Variants in CASK observed in about 807,000 individuals in gnomAD.
CASK encodes calcium/calmodulin dependent serine protein kinase.
A neutral mutation model predicts 82.9 loss-of-function variants in CASK; 4 were observed. The ratio of observed to expected loss-of-function variants is 0.05; its 90% CI spans 0.02 to 0.11. The LOEUF (loss-of-function observed/expected upper bound fraction) is 0.11, where lower values mean the gene tolerates loss of function less well. CASK is among the 10% of genes least tolerant of loss of function. CASK has a pLI of 1.00. For synonymous variants in CASK, 259 were observed against 253.5 expected (o/e 1.02, Z -0.20); for missense variants, 358 against 720.9 (o/e 0.50, Z 5.76).
intron 4 of CASK, among the ~76,000 whole-genome samples, chrX:41,744,301 A>C (rs1237828282): frequency 2.7e-5 from 3 of 110,149 alleles, no homozygotes; most frequent in Non-Finnish European, 5.7e-5. Context: ...TGTATAAGCA[A>C]GTGGCCCAGC....
At chrX:41,554,059 C>T in intron 20 of CASK, 144 bp from the exon 21 acceptor site, 1 of 499,248 alleles carries the variant, frequency 2.0e-6, no homozygotes. Flanking sequence ...AAATACGACA[C>T]AAAAAACTTC....
chrX:41,900,919 T>C (rs2072367829), intron 1 of CASK, among the ~76,000 whole-genome samples: 1 of 108,956 alleles, frequency 9.2e-6, no homozygotes, highest in Non-Finnish European at 1.9e-5. Flanking sequence ...CTAATTTTTG[T>C]ATTTTTAGTA....
chrX:41,843,296 G>T (rs1318633627), intron 2 of CASK, among the ~76,000 whole-genome samples: 2 of 111,536 alleles, frequency 1.8e-5, no homozygotes, highest in Non-Finnish European at 3.8e-5. Context: ...TTAGACTTTG[G>T]TTTTTCCTAG....
chrX:41,652,751 A>G (rs757951626), intron 8 of CASK, among the ~76,000 whole-genome samples: 8 of 112,074 alleles, frequency 7.1e-5, no homozygotes, highest in African/African-American at 2.3e-4. Context: ...AGGGCATGGA[A>G]GCTTCCCACT....
intron 12 of CASK, among the ~76,000 whole-genome samples, chrX:41,608,229 A>C (rs985287828): frequency 3.6e-5 from 4 of 112,568 alleles, no homozygotes; most frequent in Non-Finnish European, 7.5e-5. Context: ...CTGATAAAGA[A>C]AGTTAAAAAG....
chrX:41,798,772 G>A (rs886140361), intron 2 of CASK, among the ~76,000 whole-genome samples: 12 of 112,101 alleles, frequency 1.1e-4, no homozygotes, highest in African/African-American at 3.9e-4. Context: ...GAGGCAGAGG[G>A]TGCAGTGAGC....
intron 26 of CASK, among the ~76,000 whole-genome samples, chrX:41,522,539 C>G (rs1285912916): frequency 8.9e-6 from 1 of 111,845 alleles, no homozygotes; most frequent in Non-Finnish European, 1.9e-5. Flanking sequence ...GCCATTTTAG[C>G]AAATGTGCAT....
At chrX:41,548,640 G>T (rs5918198) in intron 21 of CASK, among the ~76,000 whole-genome samples, 1 of 110,867 alleles carries the variant, frequency 9.0e-6, no homozygotes, top group Non-Finnish European at 1.9e-5. Context: ...GCTGATAAAG[G>T]CTTGCTTTGG....
At chrX:41,559,595 T>C (rs1470330717) in intron 18 of CASK, 184 bp downstream of exon 18, 1 of 485,095 alleles carries the variant, frequency 2.1e-6, no homozygotes, top group Non-Finnish European at 3.7e-6. Flanking sequence ...GAGATCCACA[T>C]GGAAGCAGGG....
intron 14 of CASK, among the ~76,000 whole-genome samples, chrX:41,582,285 T>C (rs941754759): frequency 3.6e-5 from 4 of 112,154 alleles, no homozygotes; most frequent in Non-Finnish European, 5.6e-5. Context: ...GCAGACTCCT[T>C]ACAATGGCCT....
chrX:41,654,563 C>T (rs1183471130), intron 8 of CASK, among the ~76,000 whole-genome samples: 1 of 111,081 alleles, frequency 9.0e-6, no homozygotes, highest in Admixed American at 9.6e-5. Context: ...ATCGCAGCTA[C>T]TCGGGAAGCT....
At chrX:41,595,383 C>T (rs2065805776) in intron 12 of CASK, among the ~76,000 whole-genome samples, 2 of 110,759 alleles carry the variant, frequency 1.8e-5, no homozygotes, top group African/African-American at 6.6e-5. Flanking sequence ...GTAGGAAGAT[C>T]ACTTAAGCCC....
chrX:41,542,872 G>T, intron 21 of CASK, 66 bp from the exon 22 acceptor site: 1 of 679,043 alleles, frequency 1.5e-6, no homozygotes, highest in Non-Finnish European at 2.3e-6. Flanking sequence ...AAATAGAAGA[G>T]TCATCCATTT....
chrX:41,534,430 C>CAT (rs1189610839), intron 24 of CASK, among the ~76,000 whole-genome samples: 1 of 107,063 alleles, frequency 9.3e-6, no homozygotes, highest in Non-Finnish European at 1.9e-5. Context: ...CACACACACA[C>CAT]ACACTTTATA....
chrX:41,881,219 T>A (rs767821047), intron 1 of CASK, among the ~76,000 whole-genome samples: 1 of 111,527 alleles, frequency 9.0e-6, no homozygotes, highest in Non-Finnish European at 1.9e-5. Flanking sequence ...CCCTTGGTGC[T>A]CACAAAGCAC....
intron 2 of CASK, among the ~76,000 whole-genome samples, chrX:41,818,398 T>G (rs1389286385): frequency 6.5e-5 from 7 of 106,895 alleles, no homozygotes; most frequent in African/African-American, 2.4e-4. Flanking sequence ...AGCCCAGGAG[T>G]TCAAGACCAG....
chrX:41,609,182 C>G (rs988533653), intron 12 of CASK, among the ~76,000 whole-genome samples: 1 of 112,038 alleles, frequency 8.9e-6, no homozygotes, highest in Admixed American at 9.4e-5. Context: ...ATGGAGCGAT[C>G]TCGGCTCACT....
At chrX:41,817,816 A>AT (rs2070443217) in intron 2 of CASK, among the ~76,000 whole-genome samples, 1 of 111,568 alleles carries the variant, frequency 9.0e-6, no homozygotes, top group Non-Finnish European at 1.9e-5. Context: ...ACAGAGAAAA[A>AT]TTCTTACAAA....
intron 2 of CASK, among the ~76,000 whole-genome samples, chrX:41,804,216 C>A (rs745431618): frequency 1.8e-5 from 2 of 110,614 alleles, no homozygotes; most frequent in Non-Finnish European, 3.8e-5. Flanking sequence ...GGTGTGGTGG[C>A]GGGCGCCTGT....
Sources: gnomAD v4.1 joint callset for allele counts (sites outside exome capture counted in the v4.1 genomes callset) on GRCh38, gnomAD v4.1.1 for gene constraint, MANE v1.5 for transcripts, NCBI Gene and HGNC (gene_info 2026-07-23, HGNC 2026-07-21) for gene names.